The following ADCK1 variants were observed in gnomAD, a reference collection of about 807,000 sequenced individuals.
The protein encoded by ADCK1 is aarF domain containing kinase 1, also known as aarF domain-containing protein kinase 1.
A neutral mutation model predicts 52.3 loss-of-function variants in ADCK1; 41 were observed. The ratio of observed to expected loss-of-function variants is 0.78; its 90% confidence interval spans 0.61 to 1.02. The LOEUF (loss-of-function observed/expected upper bound fraction) is 1.02, where lower values mean the gene tolerates loss of function less well. Ranked by LOEUF, ADCK1 falls within the 50% of genes least tolerant of loss-of-function variation. ADCK1 has a pLI of 0.00. For synonymous variants in ADCK1, 250 were observed against 274.6 expected, an observed-to-expected ratio of 0.91 and a Z score of 0.89; for missense variants, 658 against 679.5, an observed-to-expected ratio of 0.97 and a Z score of 0.35.
intron 4 of ADCK1, among the ~76,000 whole-genome samples, chr14:77,859,676 T>A (rs2082501653): frequency 6.6e-6 from 1 of 152,200 alleles, no homozygotes; most frequent in Admixed American, 6.5e-5. Flanking sequence ...CACTGTGGTT[T>A]AGACTCTAGA....
At chr14:77,813,367 A>G (rs1485130329) in intron 1 of ADCK1, among the ~76,000 whole-genome samples, 1 of 151,770 alleles carries the variant, frequency 6.6e-6, no homozygotes, top group Non-Finnish European at 1.5e-5. Flanking sequence ...CTGGAGTGCA[A>G]TGGCATGGTC....
At chr14:77,908,679 C>T (rs994254831) in intron 7 of ADCK1, among the ~76,000 whole-genome samples, 2 of 152,206 alleles carry the variant, frequency 1.3e-5, no homozygotes, top group Admixed American at 6.5e-5. Context: ...GTGTGAGCCA[C>T]GTGGCCAGGC....
intron 4 of ADCK1, among the ~76,000 whole-genome samples, chr14:77,882,053 G>A (rs983556807): frequency 6.6e-6 from 1 of 152,156 alleles, no homozygotes; most frequent in Non-Finnish European, 1.5e-5. Context: ...AGAGGTGTTG[G>A]AGAGGTGGTG....
intron 3 of ADCK1, among the ~76,000 whole-genome samples, chr14:77,827,448 A>T (rs1158233729): frequency 1.2e-5 from 1 of 82,298 alleles, no homozygotes; most frequent in East Asian, 2.5e-4. Context: ...TATAGCTACC[A>T]GGAAATTCTT....
intron 1 of ADCK1, among the ~76,000 whole-genome samples, chr14:77,812,089 A>C (rs921976391): frequency 6.6e-6 from 1 of 152,198 alleles, no homozygotes; most frequent in Non-Finnish European, 1.5e-5. Flanking sequence ...TACCACAATC[A>C]ATCAACATAT....
intron 6 of ADCK1, 126 bp downstream of exon 6, chr14:77,899,384 G>A: frequency 1.6e-6 from 2 of 1,248,536 alleles, no homozygotes; most frequent in Non-Finnish European, 2.2e-6. Flanking sequence ...TCCTCTTACT[G>A]AGGATGAATG....
chr14:77,819,177 G>A (rs1594871263), intron 2 of ADCK1, 64 bp downstream of exon 2: 2 of 1,599,886 alleles, frequency 1.3e-6, no homozygotes, highest in East Asian at 4.5e-5. Context: ...GTTCATACAT[G>A]TAGCAGATAG....
intron 4 of ADCK1, among the ~76,000 whole-genome samples, chr14:77,863,880 A>G (rs1314703139): frequency 6.6e-6 from 1 of 152,022 alleles, no homozygotes; most frequent in Non-Finnish European, 1.5e-5. Context: ...GTCCTAGAAT[A>G]TAGTTATATC....
intron 3 of ADCK1, 99 bp downstream of exon 3, chr14:77,822,617 T>G: frequency 9.2e-7 from 1 of 1,081,090 alleles, no homozygotes; most frequent in Non-Finnish European, 1.4e-6. Flanking sequence ...CGCAAAGTGC[T>G]GGGATTAAAG....
intron 4 of ADCK1, among the ~76,000 whole-genome samples, chr14:77,882,964 C>G (rs1050374300): frequency 7.4e-6 from 1 of 134,784 alleles, no homozygotes; most frequent in African/African-American, 2.7e-5. Flanking sequence ...CCACCCCCCC[C>G]CCCGTGCTTT....
At chr14:77,807,760 C>T (rs910202255) in intron 1 of ADCK1, among the ~76,000 whole-genome samples, 65 of 152,098 alleles carry the variant, frequency 4.3e-4, no homozygotes, top group Non-Finnish European at 1.6e-4. Context: ...CCACCTACCT[C>T]GGCTTCCCAA....
intron 3 of ADCK1, among the ~76,000 whole-genome samples, chr14:77,832,661 A>G (rs554818048): frequency 1.3e-5 from 2 of 152,348 alleles, no homozygotes; most frequent in African/African-American, 4.8e-5. Context: ...AATATTTAGC[A>G]TTCTCCTATG....
intron 4 of ADCK1, among the ~76,000 whole-genome samples, chr14:77,864,330 C>A (rs551602050): frequency 1.1e-4 from 16 of 152,266 alleles, no homozygotes; most frequent in African/African-American, 3.9e-4. Flanking sequence ...GATAAAGAAG[C>A]CTTTCCTCCA....
At chr14:77,857,174 G>C (rs544737404) in intron 3 of ADCK1, among the ~76,000 whole-genome samples, 1 of 152,076 alleles carries the variant, frequency 6.6e-6, no homozygotes, top group Non-Finnish European at 1.5e-5. Flanking sequence ...CGATCTGGGC[G>C]TGGTGGCTCA....
intron 3 of ADCK1, among the ~76,000 whole-genome samples, chr14:77,829,345 A>T (rs1172090993): frequency 6.7e-6 from 1 of 149,832 alleles, no homozygotes; most frequent in Non-Finnish European, 1.5e-5. Context: ...CCCAGGCCAG[A>T]GTGTAGTGGT....
At chr14:77,848,890 A>T (rs919034012) in intron 3 of ADCK1, among the ~76,000 whole-genome samples, 1 of 150,094 alleles carries the variant, frequency 6.7e-6, no homozygotes, top group Non-Finnish European at 1.5e-5. Flanking sequence ...CAGTGGCATG[A>T]TCTCAACTCA....
intron 4 of ADCK1, among the ~76,000 whole-genome samples, chr14:77,884,221 TGGGAAGATTG>T (rs1235289215): frequency 6.6e-6 from 1 of 152,134 alleles, no homozygotes; most frequent in Non-Finnish European, 1.5e-5. Context: ...CCCTTTTCAG[TGGGAAGATTG>T]GGCCATTTTA....
chr14:77,898,287 A>G (rs917841304), intron 5 of ADCK1, among the ~76,000 whole-genome samples: 6 of 152,138 alleles, frequency 3.9e-5, no homozygotes, highest in Admixed American at 1.3e-4. Context: ...GGATGATAAG[A>G]TGTGTATCTG....
At chr14:77,822,650 T>C (rs2081608115) in intron 3 of ADCK1, 132 bp downstream of exon 3, 4 of 752,478 alleles carry the variant, frequency 5.3e-6, no homozygotes, top group Middle Eastern at 6.5e-4. Context: ...GTGCCCGGCC[T>C]AGGATTGGAT....
Sources: gnomAD v4.1 joint callset for allele counts (sites outside exome capture counted in the v4.1 genomes callset) on GRCh38, gnomAD v4.1.1 for gene constraint, MANE v1.5 for transcripts, NCBI Gene and HGNC (gene_info 2026-07-23, HGNC 2026-07-21) for gene names.